The following HDAC9 variants were observed in gnomAD, a reference collection of about 807,000 sequenced individuals.
The protein encoded by HDAC9 is MEF-2 interacting transcription repressor (MITR) protein.
HDAC9 carries 41 observed loss-of-function variants against 139.4 expected under a neutral mutation model. That is an observed-to-expected ratio of 0.29 (90% CI 0.23 to 0.38). HDAC9 has a LOEUF of 0.38. HDAC9 is among the 10% of genes least tolerant of loss of function. The pLI is 1.00. For missense variants in HDAC9, 1,147 were observed against 1,297.0 expected, an observed-to-expected ratio of 0.88 and a Z score of 1.78; for synonymous variants, 517 against 476.2, an observed-to-expected ratio of 1.09 and a Z score of -1.12.
At chr7:18,973,818 C>T (rs1186189951) in intron 24 of HDAC9, among the ~76,000 whole-genome samples, 2 of 152,154 alleles carry the variant, frequency 1.3e-5, no homozygotes, top group African/African-American at 4.8e-5. Flanking sequence ...CATGGTTTCC[C>T]ACTTGGACTT....
chr7:18,106,361 C>T (rs1211082023), intron 1 of HDAC9, among the ~76,000 whole-genome samples: 2 of 152,146 alleles, frequency 1.3e-5, no homozygotes, highest in Non-Finnish European at 1.5e-5. Context: ...ATATCCATTG[C>T]CTGTCTGTTC....
chr7:18,818,922 C>A (rs181465657), intron 17 of HDAC9, among the ~76,000 whole-genome samples: 1 of 152,188 alleles, frequency 6.6e-6, no homozygotes, highest in African/African-American at 2.4e-5. Flanking sequence ...TATTAATTTG[C>A]ACTTTCTTAT....
At chr7:18,340,115 T>C (rs1046801170) in intron 1 of HDAC9, among the ~76,000 whole-genome samples, 15 of 151,584 alleles carry the variant, frequency 9.9e-5, no homozygotes, top group Non-Finnish European at 2.2e-4. Flanking sequence ...ATCCTCTTGA[T>C]AAATTGGCCC....
intron 21 of HDAC9, among the ~76,000 whole-genome samples, chr7:18,854,422 A>T (rs1424833517): frequency 6.6e-6 from 1 of 152,200 alleles, no homozygotes; most frequent in Non-Finnish European, 1.5e-5. Flanking sequence ...GGTTCAAGGT[A>T]GTGATCATGA....
At chr7:18,457,701 A>T (rs1404799762) in intron 1 of HDAC9, among the ~76,000 whole-genome samples, 1 of 152,314 alleles carries the variant, frequency 6.6e-6, no homozygotes. Context: ...TTGTTGAGGC[A>T]TTAGTGAGTT....
At chr7:18,243,290 C>G (rs1794312878) in intron 2 of HDAC9, among the ~76,000 whole-genome samples, 1 of 152,192 alleles carries the variant, frequency 6.6e-6, no homozygotes, top group South Asian at 2.1e-4. Context: ...TTCTTGACTT[C>G]CTTTTCTTTG....
At chr7:18,680,560 C>G (rs1357598673) in intron 12 of HDAC9, among the ~76,000 whole-genome samples, 5 of 151,946 alleles carry the variant, frequency 3.3e-5, no homozygotes, top group African/African-American at 9.7e-5. Flanking sequence ...CATTCAAGTT[C>G]AGGCCCAGGG....
intron 23 of HDAC9, chr7:18,948,875 C>G (rs76081575): frequency 0.043 from 9,109 of 213,528 alleles, 246 homozygotes; most frequent in Middle Eastern, 0.075. Context: ...CAGAAATTTT[C>G]TAACAAGCTG....
chr7:18,959,499 T>G (rs1271149757), intron 24 of HDAC9, among the ~76,000 whole-genome samples: 2 of 152,196 alleles, frequency 1.3e-5, no homozygotes, highest in Non-Finnish European at 2.9e-5. Flanking sequence ...GAGGATTCTT[T>G]CACAATTTTG....
intron 1 of HDAC9, among the ~76,000 whole-genome samples, chr7:18,443,533 A>C (rs1032244010): frequency 6.6e-6 from 1 of 152,174 alleles, no homozygotes; most frequent in Admixed American, 6.6e-5. Flanking sequence ...TTCAATTGTT[A>C]GTTATGGTCC....
intron 1 of HDAC9, among the ~76,000 whole-genome samples, chr7:18,330,009 C>CGTGTGTGTGTGTGTGTGTGTATTCCAT (rs1554375814): frequency 6.6e-6 from 1 of 151,470 alleles, no homozygotes; most frequent in Admixed American, 6.6e-5. Flanking sequence ...GTGTGTGTTC[C>CGTGTGTGTGTGTGTGTGTGTATTCCAT]GTGTGTGAGA....
At chr7:18,359,070 G>A (rs1456323479) in intron 1 of HDAC9, among the ~76,000 whole-genome samples, 1 of 152,200 alleles carries the variant, frequency 6.6e-6, no homozygotes, top group Non-Finnish European at 1.5e-5. Context: ...AATTGGGGCA[G>A]TGAGGCCGGG....
intron 25 of HDAC9, among the ~76,000 whole-genome samples, chr7:18,991,903 T>C (rs1786008775): frequency 6.6e-6 from 1 of 152,226 alleles, no homozygotes; most frequent in African/African-American, 2.4e-5. Flanking sequence ...GGGATGTTTG[T>C]CTATTTTGTT....
chr7:18,097,967 A>G (rs929649855), intron 1 of HDAC9, among the ~76,000 whole-genome samples: 4 of 152,174 alleles, frequency 2.6e-5, no homozygotes, highest in African/African-American at 9.7e-5. Flanking sequence ...GATAGTCTAA[A>G]CACATTTCAA....
intron 21 of HDAC9, among the ~76,000 whole-genome samples, chr7:18,870,362 C>T (rs1335417897): frequency 6.6e-6 from 1 of 152,134 alleles, no homozygotes; most frequent in Middle Eastern, 3.2e-3. Flanking sequence ...ATACTGGTCA[C>T]TTATTTTGTC....
chr7:18,106,491 C>T (rs898810363), intron 1 of HDAC9, among the ~76,000 whole-genome samples: 21 of 151,920 alleles, frequency 1.4e-4, no homozygotes, highest in Admixed American at 3.9e-4. Flanking sequence ...CCCACTCTGT[C>T]TCCCAGGCTG....
intron 2 of HDAC9, among the ~76,000 whole-genome samples, chr7:18,571,629 T>A (rs1824324710): frequency 6.6e-6 from 1 of 151,182 alleles, no homozygotes; most frequent in African/African-American, 2.5e-5. Context: ...TTTTATTTTT[T>A]ATTTTTTTTT....
chr7:18,865,255 G>T (rs1798405587), intron 21 of HDAC9, among the ~76,000 whole-genome samples: 1 of 152,208 alleles, frequency 6.6e-6, no homozygotes, highest in Non-Finnish European at 1.5e-5. Context: ...CAGTGGAGGT[G>T]TAGGAACGTG....
intron 5 of HDAC9, among the ~76,000 whole-genome samples, chr7:18,591,891 T>A (rs1831100497): frequency 6.6e-6 from 1 of 152,180 alleles, no homozygotes; most frequent in Admixed American, 6.5e-5. Context: ...AAGTGCTAAA[T>A]AAATGGTAGC....
Sources: allele counts gnomAD v4.1 joint callset (sites outside exome capture counted in the v4.1 genomes callset), GRCh38; gene constraint gnomAD v4.1.1; transcripts MANE v1.5; gene names NCBI Gene and HGNC (gene_info 2026-07-23, HGNC 2026-07-21).